The following SPATA16 variants were observed in gnomAD, a reference collection of about 807,000 sequenced individuals.
The protein encoded by SPATA16 is spermatogenesis-associated protein 16.
In SPATA16, 36 loss-of-function variants were observed where a neutral mutation model predicts 63.3. That is an observed-to-expected ratio of 0.57 (90% CI 0.44 to 0.75). The LOEUF (loss-of-function observed/expected upper bound fraction) is 0.75. SPATA16 is among the 30% of genes least tolerant of loss of function. The probability of loss-of-function intolerance (pLI) is 0.00; values close to 1 mark genes in which losing one functional copy is unlikely to be tolerated. For missense variants in SPATA16, 646 were observed against 679.3 expected (o/e 0.95, Z 0.54); for synonymous variants, 203 against 216.7 (o/e 0.94, Z 0.56).
chr3:172,964,110 T>G (rs1454494072), intron 5 of SPATA16, among the ~76,000 whole-genome samples: 1 of 152,162 alleles, frequency 6.6e-6, no homozygotes, highest in Non-Finnish European at 1.5e-5. Context: ...AATGGAATAT[T>G]CATCACTCAC....
intron 3 of SPATA16, among the ~76,000 whole-genome samples, chr3:173,026,739 G>T (rs1000992919): frequency 1.3e-5 from 2 of 151,868 alleles, no homozygotes; most frequent in African/African-American, 4.8e-5. Flanking sequence ...CCATATCTGT[G>T]TGAGTCAATT....
At chr3:173,008,735 G>C (rs1734996008) in intron 4 of SPATA16, among the ~76,000 whole-genome samples, 2 of 151,920 alleles carry the variant, frequency 1.3e-5, no homozygotes, top group Non-Finnish European at 2.9e-5. Flanking sequence ...AATTTTAATT[G>C]TATTCATAGG....
intron 4 of SPATA16, among the ~76,000 whole-genome samples, chr3:173,001,276 T>TTTTGTTTTTTTTG (rs1253806933): frequency 6.6e-6 from 1 of 151,710 alleles, no homozygotes; most frequent in African/African-American, 2.4e-5. Context: ...TTGTTTTTTT[T>TTTTGTTTTTTTTG]TTTTTGTTTT....
intron 10 of SPATA16, among the ~76,000 whole-genome samples, chr3:172,910,092 C>CTTT (rs35827342): frequency 1.1e-4 from 14 of 127,118 alleles, no homozygotes; most frequent in East Asian, 2.2e-4. Context: ...ACAGCAAATG[C>CTTT]TTTTTTTTTT....
intron 6 of SPATA16, among the ~76,000 whole-genome samples, chr3:172,933,112 T>G (rs976039728): frequency 6.6e-6 from 1 of 152,240 alleles, no homozygotes; most frequent in Non-Finnish European, 1.5e-5. Context: ...TTGATCCTAC[T>G]TTTATCAAAG....
chr3:172,916,499 G>C lies in SPATA16; in HGVS notation c.1339-18C>G, dbSNP rs780006506. On this transcript the variant is annotated intron_variant, in intron 8 of 10. Transcript: ENST00000351008. ...AAACTCCCCTAGTCTCAAAGTAAAA[G>C]AAATGTTTTAGAACAAAACCACGGA... is the stretch of plus-strand genomic sequence containing the variant. The C allele has an allele frequency of 2.5e-6, 4 of 1,613,346 alleles. No homozygotes were observed. The highest frequency in any genetic ancestry group is 3.4e-6 in the Non-Finnish European group (4 of 1,179,460).
chr3:173,056,581 G>T (rs1473088365), intron 2 of SPATA16, among the ~76,000 whole-genome samples: 1 of 151,824 alleles, frequency 6.6e-6, no homozygotes, highest in East Asian at 1.9e-4. Flanking sequence ...GCGGGCCCCT[G>T]TAACCCCAAC....
rs576993862 is a variant in SPATA16 at position 173,127,947 on chromosome 3, A to AT, written c.-18-10199dup. ...AAACTATGATGATTGCAAAATGGTG[A>AT]TTTTTCCTTTCCTAACTCATGACAT... On this transcript the variant is annotated intron_variant, in intron 1 of 10. Transcript: ENST00000351008. Among the ~76,000 whole-genome samples, 767 of 152,306 alleles carry AT rather than the reference A, an allele frequency of 5.0e-3. 10 individuals carry two copies. Among genetic ancestry groups the AT allele is most frequent in the Admixed American group, 6.8e-3 (104 of 15,296 alleles).
intron 4 of SPATA16, among the ~76,000 whole-genome samples, chr3:172,990,292 A>T (rs1734545624): frequency 6.6e-6 from 1 of 152,214 alleles, no homozygotes; most frequent in Non-Finnish European, 1.5e-5. Context: ...GGTGATTGGG[A>T]CATAGTAAGT....
chr3:173,030,356 T>C (rs547007032), intron 3 of SPATA16, among the ~76,000 whole-genome samples: 1 of 152,154 alleles, frequency 6.6e-6, no homozygotes, highest in South Asian at 2.1e-4. Context: ...ATCCAGAATA[T>C]ATAAGAAACT....
chr3:173,073,445 G>A (rs1560114412), intron 2 of SPATA16, among the ~76,000 whole-genome samples: 2 of 152,218 alleles, frequency 1.3e-5, no homozygotes, highest in Non-Finnish European at 2.9e-5. Context: ...ACACCCTGCT[G>A]TGTGCAGCCT....
At chr3:172,938,424 T>G (rs954180363) in intron 6 of SPATA16, among the ~76,000 whole-genome samples, 1 of 152,088 alleles carries the variant, frequency 6.6e-6, no homozygotes, top group Non-Finnish European at 1.5e-5. Flanking sequence ...AGAAATGGGA[T>G]AAATAGATGG....
At chr3:173,045,289 A>C (rs1182073074) in intron 3 of SPATA16, among the ~76,000 whole-genome samples, 1 of 152,110 alleles carries the variant, frequency 6.6e-6, no homozygotes, top group Non-Finnish European at 1.5e-5. Flanking sequence ...TCCCTGAACT[A>C]GGGCAGAAAA....
intron 2 of SPATA16, among the ~76,000 whole-genome samples, chr3:173,057,115 C>CTTTTTTTTT (rs397876631): frequency 7.2e-6 from 1 of 138,186 alleles, no homozygotes; most frequent in Non-Finnish European, 1.5e-5. Context: ...CTTTTCTTTT[C>CTTTTTTTTT]TTTTTTTTTT....
chr3:173,042,469 A>G (rs1735865620), intron 3 of SPATA16, among the ~76,000 whole-genome samples: 1 of 151,618 alleles, frequency 6.6e-6, no homozygotes, highest in African/African-American at 2.4e-5. Context: ...TCAGCGATCC[A>G]CCCCCCTTGG....
chr3:172,965,928 G>A (rs1416354298), intron 5 of SPATA16, among the ~76,000 whole-genome samples: 1 of 151,990 alleles, frequency 6.6e-6, no homozygotes, highest in Non-Finnish European at 1.5e-5. Flanking sequence ...CCAGGTTGTG[G>A]CCTCTCCCAG....
At chr3:172,992,181 C>A (rs924016150) in intron 4 of SPATA16, among the ~76,000 whole-genome samples, 4 of 151,380 alleles carry the variant, frequency 2.6e-5, no homozygotes, top group Admixed American at 1.3e-4. Context: ...CTTTTTTCTT[C>A]TATTTAAAAA....
chr3:173,028,733 T>C (rs1322024699), intron 3 of SPATA16, among the ~76,000 whole-genome samples: 1 of 152,048 alleles, frequency 6.6e-6, no homozygotes, highest in Non-Finnish European at 1.5e-5. Flanking sequence ...ACATAAAATT[T>C]TGTGCTAAAT....
At chr3:173,055,270 C>T (rs1363119599) in intron 2 of SPATA16, among the ~76,000 whole-genome samples, 1 of 152,198 alleles carries the variant, frequency 6.6e-6, no homozygotes, top group Non-Finnish European at 1.5e-5. Context: ...TCAATAGTTG[C>T]ACTCCTGGAC....
Sources: gnomAD v4.1 joint callset for allele counts (sites outside exome capture counted in the v4.1 genomes callset) on GRCh38, gnomAD v4.1.1 for gene constraint, MANE v1.5 for transcripts, NCBI Gene and HGNC (gene_info 2026-07-23, HGNC 2026-07-21) for gene names.